Variants in ABCA8 observed in about 807,000 individuals in gnomAD.
The protein encoded by ABCA8 is ABC-type organic anion transporter ABCA8.
Under a neutral mutation model 192.3 loss-of-function variants are expected in ABCA8, and 177 were observed. The ratio of observed to expected loss-of-function variants is 0.92; its 90% CI spans 0.81 to 1.04. The LOEUF is 1.04. ABCA8 is among the 50% of genes least tolerant of loss of function. The pLI is 0.00. For synonymous variants in ABCA8, 642 were observed against 690.2 expected, an observed-to-expected ratio of 0.93 and a Z score of 1.09; for missense variants, 1,915 against 1,904.8, an observed-to-expected ratio of 1.01 and a Z score of -0.10.
intron 23 of ABCA8, among the ~76,000 whole-genome samples, chr17:68,893,695 A>T (rs2066670672): frequency 1.1e-4 from 14 of 124,184 alleles, no homozygotes; most frequent in South Asian, 2.7e-4. Flanking sequence ...GTGCTGTAAG[A>T]TTTCATTTTT....
At chr17:68,935,293 T>TGTGTGTGTGTGTGTGTG (rs1491187643) in intron 5 of ABCA8, among the ~76,000 whole-genome samples, 8 of 149,346 alleles carry the variant, frequency 5.4e-5, no homozygotes, top group African/African-American at 1.7e-4. Context: ...TGTGTGTGTG[T>TGTGTGTGTGTGTGTGTG]TTCAGTAGAG....
intron 11 of ABCA8, 137 bp from the exon 12 acceptor site, chr17:68,922,437 T>A: frequency 3.4e-6 from 2 of 587,972 alleles, no homozygotes; most frequent in Non-Finnish European, 5.6e-6. Context: ...GTCATAGCTG[T>A]GTGACAGAAT....
chr17:68,917,990 A>G lies in ABCA8; in HGVS notation c.2047+57T>C, dbSNP rs138801711. 398 of 1,593,372 alleles carry G rather than the reference A, an allele frequency of 2.5e-4. 2 individuals are homozygous for G. In the African/African-American group the frequency reaches 4.8e-3, roughly 19 times the overall value. ...AATATAACTGTTCAGAGACCAATCC[A>G]TATTTTTAGATCTCTTAAAGTCCTC... On this transcript the variant is annotated intron_variant, in intron 16 of 39. Transcript: ENST00000586539.
At chr17:68,937,239 T>TC in intron 4 of ABCA8, 124 bp from the exon 5 acceptor site, 2 of 813,320 alleles carry the variant, frequency 2.5e-6, no homozygotes, top group Non-Finnish European at 1.8e-6. Flanking sequence ...GTATTAACTT[T>TC]TAGAAAGTTA....
In ABCA8 at chr17:68,901,095, G is replaced by A. The variant is rs181072378; in HGVS notation, c.2764+1618C>T. Among the ~76,000 whole-genome samples the A allele has an allele frequency of 3.3e-5, 5 of 152,300 alleles. No individual in the cohort carries two copies. In the East Asian group the frequency reaches 7.7e-4, roughly 23 times the overall value. ...AGCAGTGTTATTTTGTTCAATCTCA[G>A]TTGAAAATGTGTACATCAGGTGACT... On this transcript the variant is annotated intron_variant, in intron 21 of 39. Coordinates refer to ENST00000586539, the MANE Select transcript of ABCA8 (RefSeq NM_001288985.2).
At position 68,884,330 on chromosome 17, in the gene ABCA8, C is replaced by T; in HGVS notation, c.3615+1G>A. The T allele has an allele frequency of 6.3e-7, 1 of 1,578,296 alleles. No homozygotes were observed. The highest frequency in any genetic ancestry group is 8.6e-7 in the Non-Finnish European group (1 of 1,168,230). The stretch of plus-strand genomic sequence containing the variant: ...ATTTTTAAAGAACAGTGTGTTCTTA[C>T]AATTAGGAATACCAGAAATGGCTGT... On this transcript the variant is annotated splice_donor_variant, in intron 28 of 39. Coordinates refer to ENST00000586539, the MANE Select transcript of ABCA8 (RefSeq NM_001288985.2). LOFTEE classifies it high-confidence loss of function.
chr17:68,882,536 A>G (rs1481424470), intron 30 of ABCA8, 63 bp downstream of exon 30: 1 of 1,456,698 alleles, frequency 6.9e-7, no homozygotes. Context: ...AGAGAAACTC[A>G]AAATCATTAG....
intron 33 of ABCA8, 105 bp from the exon 34 acceptor site, chr17:68,876,808 A>C (rs1308371434): frequency 4.4e-5 from 61 of 1,374,942 alleles, no homozygotes; most frequent in Non-Finnish European, 5.7e-5. Context: ...GCAGTTCTGG[A>C]AATACATGTG....
At chr17:68,875,473 C>T (rs1282850246) in intron 36 of ABCA8, 73 bp from the exon 37 acceptor site, 1 of 1,602,238 alleles carries the variant, frequency 6.2e-7, no homozygotes, top group African/African-American at 1.3e-5. Flanking sequence ...ACTTGATTTG[C>T]TGCTAGCATT....
At chr17:68,895,443 C>A (rs1393377333) in intron 21 of ABCA8, among the ~76,000 whole-genome samples, 1 of 152,084 alleles carries the variant, frequency 6.6e-6, no homozygotes, top group East Asian at 1.9e-4. Context: ...ACCTTCTCCC[C>A]AGAAAAACAA....
chr17:68,940,985 TAAAGA>T (rs1365883578), intron 3 of ABCA8, 23 bp from the exon 4 acceptor site: 3 of 1,538,950 alleles, frequency 1.9e-6, no homozygotes, highest in Non-Finnish European at 2.7e-6. Flanking sequence ...GGAAAAAAGA[TAAAGA>T]AAAGTCTTAT....
intron 32 of ABCA8, 92 bp downstream of exon 32, chr17:68,881,028 A>G: frequency 2.3e-6 from 2 of 864,114 alleles, no homozygotes; most frequent in South Asian, 2.8e-5. Context: ...CAGTTATATA[A>G]GGATTAAGTG....
intron 10 of ABCA8, among the ~76,000 whole-genome samples, chr17:68,925,961 T>G (rs2067686144): frequency 1.3e-5 from 2 of 152,132 alleles, no homozygotes; most frequent in South Asian, 4.1e-4. Context: ...TGAAATAAAT[T>G]TTCTAGTTAT....
chr17:68,917,140 G>A (rs1483145801), intron 17 of ABCA8, among the ~76,000 whole-genome samples: 8 of 152,054 alleles, frequency 5.3e-5, no homozygotes, highest in Non-Finnish European at 8.8e-5. Context: ...GCGTGGTGGC[G>A]GGCCCATGTA....
At chr17:68,875,552 A>G in intron 36 of ABCA8, 62 bp downstream of exon 36, 1 of 1,600,026 alleles carries the variant, frequency 6.2e-7, no homozygotes. Context: ...TCTCCCTGCC[A>G]CAGACAAAAA....
intron 24 of ABCA8, among the ~76,000 whole-genome samples, chr17:68,890,653 A>C (rs2066601537): frequency 6.6e-6 from 1 of 152,064 alleles, no homozygotes; most frequent in African/African-American, 2.4e-5. Context: ...TGAGTAGCTG[A>C]GATCACAGGC....
At chr17:68,887,911 T>TATATATATCC (rs1555607401) in intron 24 of ABCA8, among the ~76,000 whole-genome samples, 5 of 19,958 alleles carry the variant, frequency 2.5e-4, no homozygotes, top group African/African-American at 9.6e-4. Flanking sequence ...TATATATCCA[T>TATATATATCC]ATATATATAT....
intron 32 of ABCA8, chr17:68,878,688 A>T (rs111478754): frequency 6.6e-6 from 1 of 152,262 alleles, no homozygotes; most frequent in Non-Finnish European, 1.5e-5. Flanking sequence ...TTAATGAGAA[A>T]TAAAATACTG....
chr17:68,940,536 A>G (rs1291753913), intron 4 of ABCA8, among the ~76,000 whole-genome samples: 3 of 152,044 alleles, frequency 2.0e-5, no homozygotes, highest in Non-Finnish European at 2.9e-5. Context: ...GAGACTGCGC[A>G]CCCCAAATGG....
Sources: gnomAD v4.1 joint callset for allele counts (sites outside exome capture counted in the v4.1 genomes callset) on GRCh38, gnomAD v4.1.1 for gene constraint, MANE v1.5 for transcripts, NCBI Gene and HGNC (gene_info 2026-07-23, HGNC 2026-07-21) for gene names.